Variants in STRBP observed in about 807,000 individuals in gnomAD.
The protein encoded by STRBP is spermatid perinuclear RNA-binding protein.
In STRBP, 13 loss-of-function variants were observed where a neutral mutation model predicts 80.1. The ratio of observed to expected loss-of-function variants is 0.16; its 90% CI spans 0.11 to 0.26. The LOEUF (loss-of-function observed/expected upper bound fraction) is 0.26. STRBP is among the 10% of genes least tolerant of loss of function. STRBP has a pLI of 1.00. For synonymous variants in STRBP, 284 were observed against 291.2 expected (o/e 0.98, Z 0.25); for missense variants, 485 against 815.2 (o/e 0.59, Z 4.93).
Position 123,173,824 on chromosome 9 carries a change from T to C in STRBP, c.243A>G (p.Thr81=), listed in dbSNP as rs1277874448. 6.2e-7 allele frequency: 1 copy of C among 1,607,074 alleles called. No homozygotes were observed. The highest frequency in any genetic ancestry group is 8.5e-7 in the Non-Finnish European group (1 of 1,177,870). ...ENYSKDQGGR[T]LCGVMRIGLV... is the part of the protein sequence containing the mutation. ...GGCCAATCCTCATTACACCACACAATGTCCGACCACCTTGATCCCTAAAAA... is the reference window on the plus strand; with the variant it reads ...GGCCAATCCTCATTACACCACACAACGTCCGACCACCTTGATCCCTAAAAA... Residue 81 remains threonine, a synonymous_variant, in exon 5 of 19, where the codon ACA becomes ACG. Coordinates refer to ENST00000348403, the MANE Select transcript of STRBP (RefSeq NM_018387.5).
At chr9:123,244,862 C>A (rs1243070183) in intron 1 of STRBP, among the ~76,000 whole-genome samples, 1 of 152,216 alleles carries the variant, frequency 6.6e-6, no homozygotes, top group African/African-American at 2.4e-5. Context: ...CAAATGTTCA[C>A]AGCAGCTTTA....
At chr9:123,179,297 T>TA in intron 3 of STRBP, 70 bp from the exon 4 acceptor site, 1 of 1,359,812 alleles carries the variant, frequency 7.4e-7, no homozygotes, top group Non-Finnish European at 1.0e-6. Flanking sequence ...GATATACAAC[T>TA]ATATCTTTAG....
chr9:123,173,983 C>A, intron 4 of STRBP, 141 bp from the exon 5 acceptor site: 1 of 912,498 alleles, frequency 1.1e-6, no homozygotes, highest in Non-Finnish European at 1.6e-6. Flanking sequence ...CAAAATTAAG[C>A]CTCAGATTTG....
intron 2 of STRBP, among the ~76,000 whole-genome samples, chr9:123,228,208 T>C (rs977068050): frequency 2.6e-5 from 4 of 152,048 alleles, no homozygotes; most frequent in African/African-American, 9.6e-5. Flanking sequence ...AGAAAAGGAG[T>C]TGGGTTTTAG....
rs767173439 is a variant in STRBP, at chr9:123,236,932, G to A, written c.-267C>T. The A allele has an allele frequency of 2.6e-5, 4 of 152,188 alleles. No individual in the cohort carries two copies. Among genetic ancestry groups the A allele is most frequent in the South Asian group, 2.1e-4 (1 of 4,824 alleles). The allele number at this position is 152,188 out of a possible 1,614,324, so 9.4% of individuals were successfully genotyped here. A position where few individuals can be genotyped will look rare whatever the true frequency, so the allele number is the denominator to read the frequency against. On this transcript the variant is annotated 5_prime_UTR_variant, in exon 2 of 19. Transcript: ENST00000348403. Reference sequence around the variant, plus strand: ...GCGGATCACTTGCGTTCAGGAGTTCGAGACCAGCCAGGTCAACATGGCAAA... The same window carrying A: ...GCGGATCACTTGCGTTCAGGAGTTCAAGACCAGCCAGGTCAACATGGCAAA...
chr9:123,155,809 T>C (rs2037258862), intron 11 of STRBP, among the ~76,000 whole-genome samples: 1 of 151,560 alleles, frequency 6.6e-6, no homozygotes. Context: ...GACATTAGTG[T>C]TGAAAAAAAT....
At chr9:123,117,986 A>G (rs2035673339), downstream of STRBP, among the ~76,000 whole-genome samples, 1 of 152,162 alleles carries the variant, frequency 6.6e-6, no homozygotes, top group Non-Finnish European at 1.5e-5. Flanking sequence ...AAAGAGCCCT[A>G]TTTTAGGCCA....
chr9:123,254,819 T>A (rs1330323852), intron 1 of STRBP, among the ~76,000 whole-genome samples: 2 of 152,142 alleles, frequency 1.3e-5, no homozygotes, highest in African/African-American at 2.4e-5. Context: ...AAAGGCTCTA[T>A]AATGACAGTG....
At chr9:123,183,411 C>A (rs751679900) in intron 3 of STRBP, among the ~76,000 whole-genome samples, 2 of 151,476 alleles carry the variant, frequency 1.3e-5, no homozygotes, top group African/African-American at 2.4e-5. Context: ...CATTCCAGCC[C>A]GGGCAACAGG....
chr9:123,121,427 T>C (rs1364355014), downstream of STRBP: 2 of 152,110 alleles, frequency 1.3e-5, no homozygotes, highest in Admixed American at 6.5e-5. Context: ...TCCATGATGG[T>C]TGAATAAGGT....
At chr9:123,119,726 T>A (rs1280615293), downstream of STRBP, among the ~76,000 whole-genome samples, 2 of 152,018 alleles carry the variant, frequency 1.3e-5, no homozygotes, top group African/African-American at 4.8e-5. Flanking sequence ...GTAAGAACAC[T>A]CAACATTCAC....
intron 2 of STRBP, among the ~76,000 whole-genome samples, chr9:123,231,486 C>A (rs542897926): frequency 1.3e-3 from 198 of 152,252 alleles, no homozygotes; most frequent in African/African-American, 4.6e-3. Context: ...TAGTTATCAG[C>A]CAAATCAAGA....
chr9:123,167,018 G>A (rs1041901110), intron 6 of STRBP, among the ~76,000 whole-genome samples: 9 of 152,122 alleles, frequency 5.9e-5, no homozygotes, highest in Non-Finnish European at 1.3e-4. Context: ...TGTAAATCGT[G>A]ATTTGAAAGG....
At chr9:123,169,173 T>G (rs1588034730) in intron 6 of STRBP, among the ~76,000 whole-genome samples, 1 of 127,014 alleles carries the variant, frequency 7.9e-6, no homozygotes, top group Admixed American at 7.8e-5. Flanking sequence ...CAAATAATTC[T>G]TTTTTTTTTT....
At chr9:123,253,789 G>A (rs1055294913) in intron 1 of STRBP, among the ~76,000 whole-genome samples, 1 of 152,130 alleles carries the variant, frequency 6.6e-6, no homozygotes, top group Non-Finnish European at 1.5e-5. Context: ...CTGGCAAATC[G>A]GAAGCAGGCA....
chr9:123,244,647 A>G (rs951328015), intron 1 of STRBP, among the ~76,000 whole-genome samples: 1 of 152,224 alleles, frequency 6.6e-6, no homozygotes, highest in Non-Finnish European at 1.5e-5. Context: ...AAAAAATAGT[A>G]TTGATGTCAA....
chr9:123,200,734 A>ATTTTTTTTTTTTTTTTTTTTTTTTT (rs71390418), intron 2 of STRBP, among the ~76,000 whole-genome samples: 1 of 37,512 alleles, frequency 2.7e-5, no homozygotes, highest in African/African-American at 1.3e-4. Flanking sequence ...CACCCCGCTA[A>ATTTTTTTTTTTTTTTTTTTTTTTTT]TTTTTTTTTT....
At chr9:123,245,289 T>C (rs2040776758) in intron 1 of STRBP, among the ~76,000 whole-genome samples, 2 of 152,334 alleles carry the variant, frequency 1.3e-5, no homozygotes, top group African/African-American at 4.8e-5. Flanking sequence ...CACACTGGAA[T>C]TACCTCTAAA....
At chr9:123,114,762 G>C (rs888681441) in intron 3 of STRBP, 14 of 210,372 alleles carry the variant, frequency 6.7e-5, no homozygotes, top group Non-Finnish European at 1.4e-4. Flanking sequence ...ATTGCCCACT[G>C]AGCAGTGGTC....
Sources: allele counts gnomAD v4.1 joint callset (sites outside exome capture counted in the v4.1 genomes callset), GRCh38; gene constraint gnomAD v4.1.1; transcripts MANE v1.5; gene names NCBI Gene and HGNC (gene_info 2026-07-23, HGNC 2026-07-21).